SORCS1: variants seen among roughly 807,000 people sequenced by gnomAD.
SORCS1 encodes VPS10 domain-containing receptor SorCS1.
In SORCS1, 60 loss-of-function variants were observed where a neutral mutation model predicts 146.1. The ratio of observed to expected loss-of-function variants is 0.41; its 90% CI spans 0.33 to 0.51. The LOEUF (loss-of-function observed/expected upper bound fraction) is 0.51, where lower values mean the gene tolerates loss of function less well. SORCS1 is among the 20% of genes least tolerant of loss of function. SORCS1 has a pLI of 0.21. For missense variants in SORCS1, 1,352 were observed against 1,487.6 expected, an observed-to-expected ratio of 0.91 and a Z score of 1.50; for synonymous variants, 637 against 584.0, an observed-to-expected ratio of 1.09 and a Z score of -1.31.
Position 106,652,363 on chromosome 10 carries a change from A to G in SORCS1, c.2475+19T>C, listed in dbSNP as rs773816539. 1.3e-6 allele frequency: 2 copies of G among 1,584,784 alleles called. No homozygotes were observed. Among genetic ancestry groups the G allele is most frequent in the Non-Finnish European group, 1.7e-6 (2 of 1,158,406 alleles). On this transcript the variant is annotated intron_variant, in intron 18 of 25. Transcript: ENST00000263054. Reference sequence around the variant, plus strand: ...TCACTGGCCCTAGAAAGTAGGGGGGAGATAGGAATCAGTCCTACCTCTTCT... The same window carrying G: ...TCACTGGCCCTAGAAAGTAGGGGGGGGATAGGAATCAGTCCTACCTCTTCT...
intron 2 of SORCS1, among the ~76,000 whole-genome samples, chr10:106,955,387 C>T (rs762975816): frequency 4.6e-5 from 7 of 152,212 alleles, no homozygotes; most frequent in African/African-American, 4.8e-5. Flanking sequence ...CAGCAGCTGG[C>T]GCACCTGGCT....
chr10:106,990,896 A>AC (rs1956741531), intron 1 of SORCS1, among the ~76,000 whole-genome samples: 1 of 123,032 alleles, frequency 8.1e-6, no homozygotes, highest in East Asian at 2.4e-4. Context: ...GAGGCACACT[A>AC]CTCTTTTGCA....
At chr10:107,101,336 G>A (rs376327119) in intron 1 of SORCS1, among the ~76,000 whole-genome samples, 9 of 152,244 alleles carry the variant, frequency 5.9e-5, no homozygotes, top group South Asian at 2.1e-4. Context: ...GTGAGCCACC[G>A]TGCCCGGTCT....
intron 1 of SORCS1, among the ~76,000 whole-genome samples, chr10:106,981,698 A>G (rs1327515502): frequency 6.6e-6 from 1 of 152,194 alleles, no homozygotes; most frequent in Admixed American, 6.5e-5. Context: ...AGCCTGAGGC[A>G]TACTAAAAAA....
At chr10:106,656,805 G>T (rs1387196334) in intron 17 of SORCS1, among the ~76,000 whole-genome samples, 1 of 152,114 alleles carries the variant, frequency 6.6e-6, no homozygotes. Context: ...TTTTAAAATA[G>T]ATGGATACCC....
intron 2 of SORCS1, among the ~76,000 whole-genome samples, chr10:106,923,007 G>GC (rs1418271564): frequency 6.6e-6 from 1 of 151,374 alleles, no homozygotes; most frequent in African/African-American, 2.4e-5. Context: ...CCCTGCTTCA[G>GC]CCCCCCGAGT....
At chr10:106,823,247 T>G (rs920657509) in intron 3 of SORCS1, among the ~76,000 whole-genome samples, 1 of 152,196 alleles carries the variant, frequency 6.6e-6, no homozygotes, top group Admixed American at 6.5e-5. Flanking sequence ...TACAATACGC[T>G]AGCTCCTCTT....
intron 1 of SORCS1, among the ~76,000 whole-genome samples, chr10:107,118,205 A>C (rs1252254720): frequency 6.6e-6 from 1 of 152,184 alleles, no homozygotes; most frequent in Non-Finnish European, 1.5e-5. Context: ...ACATTCTACC[A>C]TGTGAGGACA....
At chr10:106,620,301 C>G in intron 20 of SORCS1, 127 bp downstream of exon 20, 1 of 1,215,846 alleles carries the variant, frequency 8.2e-7, no homozygotes, top group Non-Finnish European at 1.1e-6. Flanking sequence ...ACCAAGGGAG[C>G]TTGTTGTCCT....
intron 1 of SORCS1, among the ~76,000 whole-genome samples, chr10:106,975,948 G>A (rs1220077003): frequency 6.6e-6 from 1 of 152,096 alleles, no homozygotes; most frequent in African/African-American, 2.4e-5. Context: ...AGGAGTTCAA[G>A]ACCAGCCTGG....
At chr10:106,911,850 C>T (rs1330673179) in intron 2 of SORCS1, among the ~76,000 whole-genome samples, 2 of 152,064 alleles carry the variant, frequency 1.3e-5, no homozygotes, top group African/African-American at 2.4e-5. Flanking sequence ...TGGTGGCTCA[C>T]GCCTGTGATC....
intron 3 of SORCS1, among the ~76,000 whole-genome samples, chr10:106,801,746 G>C (rs1056918923): frequency 2.0e-5 from 3 of 151,988 alleles, no homozygotes; most frequent in Admixed American, 2.0e-4. Flanking sequence ...TAGCCAGGAC[G>C]GTCTCGATCT....
intron 1 of SORCS1, among the ~76,000 whole-genome samples, chr10:107,093,913 C>A (rs757406871): frequency 6.6e-6 from 1 of 152,106 alleles, no homozygotes; most frequent in Non-Finnish European, 1.5e-5. Flanking sequence ...GTCATTCCAG[C>A]CTCAGGAACT....
At chr10:106,614,913 T>C (rs1186904586) in intron 21 of SORCS1, among the ~76,000 whole-genome samples, 1 of 152,202 alleles carries the variant, frequency 6.6e-6, no homozygotes, top group Non-Finnish European at 1.5e-5. Flanking sequence ...ACAAGCAAAC[T>C]TGTGCCCTGG....
chr10:106,889,601 A>G (rs917905580), intron 2 of SORCS1, among the ~76,000 whole-genome samples: 1 of 151,776 alleles, frequency 6.6e-6, no homozygotes. Flanking sequence ...CGTCTCTACT[A>G]AACATACAAA....
intron 5 of SORCS1, among the ~76,000 whole-genome samples, chr10:106,749,759 T>G (rs1421268092): frequency 6.6e-6 from 1 of 152,236 alleles, no homozygotes; most frequent in Admixed American, 6.5e-5. Context: ...TTCCTCCTTT[T>G]AGCAGCAGTT....
intron 1 of SORCS1, among the ~76,000 whole-genome samples, chr10:107,114,806 A>T (rs1467621410): frequency 6.6e-6 from 1 of 152,166 alleles, no homozygotes; most frequent in Admixed American, 6.5e-5. Context: ...GAAATGAAAA[A>T]GTTAAATTGT....
intron 2 of SORCS1, among the ~76,000 whole-genome samples, chr10:106,918,861 C>T (rs1952570145): frequency 6.6e-6 from 1 of 151,614 alleles, no homozygotes; most frequent in South Asian, 2.1e-4. Context: ...TTCCTTGGGA[C>T]AGTATCATTC....
At chr10:106,781,786 T>C (rs942201953) in intron 3 of SORCS1, among the ~76,000 whole-genome samples, 5 of 152,086 alleles carry the variant, frequency 3.3e-5, no homozygotes, top group East Asian at 1.9e-4. Flanking sequence ...TGCTTATCAA[T>C]TGGCAACTAT....
Sources: gnomAD v4.1 joint callset for allele counts (sites outside exome capture counted in the v4.1 genomes callset) on GRCh38, gnomAD v4.1.1 for gene constraint, MANE v1.5 for transcripts, NCBI Gene and HGNC (gene_info 2026-07-23, HGNC 2026-07-21) for gene names.